The following C5 variants were observed in gnomAD, a reference collection of about 807,000 sequenced individuals.
C5 encodes the protein C3 and PZP-like alpha-2-macroglobulin domain-containing protein 4.
A neutral mutation model predicts 218.8 loss-of-function variants in C5; 140 were observed. The observed-to-expected ratio is 0.64, with a 90% CI of 0.56 to 0.74. The LOEUF (loss-of-function observed/expected upper bound fraction) is 0.74, where lower values mean the gene tolerates loss of function less well. C5 is among the 30% of genes least tolerant of loss of function. The pLI is 0.00. For synonymous variants in C5, 614 were observed against 682.3 expected (o/e 0.90, Z 1.56); for missense variants, 1,700 against 1,969.6 (o/e 0.86, Z 2.59).
intron 14 of C5, among the ~76,000 whole-genome samples, chr9:121,016,959 T>C (rs747528534): frequency 7.2e-5 from 11 of 152,306 alleles, no homozygotes; most frequent in Admixed American, 2.6e-4. Flanking sequence ...CTTATGAGAA[T>C]TGAATGATTT....
chr9:121,050,740 T>G (rs960608536), upstream of C5, among the ~76,000 whole-genome samples: 1 of 152,160 alleles, frequency 6.6e-6, no homozygotes, highest in African/African-American at 2.4e-5. Flanking sequence ...TGAATGGCAG[T>G]GTCCTTGGTG....
the C5 span, among the ~76,000 whole-genome samples, chr9:121,067,490 G>T: frequency 6.6e-6 from 1 of 151,894 alleles, no homozygotes; most frequent in African/African-American, 2.4e-5. Context: ...CTTGAACTCG[G>T]GGGGTGGAGA....
chr9:121,038,600 C>A (rs1361969544), intron 3 of C5, among the ~76,000 whole-genome samples: 1 of 152,148 alleles, frequency 6.6e-6, no homozygotes, highest in Non-Finnish European at 1.5e-5. Flanking sequence ...ACTTTTTAAA[C>A]AAAAGCATCT....
chr9:121,060,947 G>A, the C5 span, among the ~76,000 whole-genome samples: 33 of 152,236 alleles, frequency 2.2e-4, no homozygotes, highest in African/African-American at 7.9e-4. Context: ...CAGCACTTTG[G>A]GATGTCGAGG....
the C5 span, among the ~76,000 whole-genome samples, chr9:121,071,657 C>G: frequency 6.6e-6 from 1 of 152,146 alleles, no homozygotes. Context: ...TGCACTGAAA[C>G]CTGGGTGACA....
At chr9:120,982,252 C>T (rs770022463) in intron 26 of C5, among the ~76,000 whole-genome samples, 4 of 152,182 alleles carry the variant, frequency 2.6e-5, no homozygotes, top group East Asian at 1.9e-4. Context: ...CCTCATGATC[C>T]GCCCGCCTTG....
Position 120,981,900 on chromosome 9 carries a change from G to C in C5, c.3430C>G (p.Leu1144Val), listed in dbSNP as rs1160923036. ...PVEARENSLY[L>V]TAFTVIGIRK... ...ATTCCAATCACAGTAAAGGCTGTAA[G>C]ATATAAGCTGTTCTCTCGGGCTTCA... Residue 1144 changes from leucine to valine, a missense_variant, in exon 27 of 41, where the codon CTT (leucine) becomes GTT (valine). Leu to Val is a conservative substitution (Grantham distance 32). Coordinates refer to ENST00000223642, the MANE Select transcript of C5 (RefSeq NM_001735.3). 1 of 1,614,022 alleles carries C rather than the reference G, an allele frequency of 6.2e-7. No homozygotes were observed. The highest frequency in any genetic ancestry group is 8.5e-7 in the Non-Finnish European group (1 of 1,179,906).
chr9:121,036,198 A>C (rs573591354), intron 4 of C5, among the ~76,000 whole-genome samples: 2 of 152,306 alleles, frequency 1.3e-5, no homozygotes, highest in Admixed American at 1.3e-4. Context: ...TTTGAACAAG[A>C]ATTATACTTG....
At chr9:121,064,478 T>C in the C5 span, among the ~76,000 whole-genome samples, 1 of 152,246 alleles carries the variant, frequency 6.6e-6, no homozygotes, top group African/African-American at 2.4e-5. Context: ...GTATTTCATC[T>C]GTGATAGAAT....
intron 30 of C5, among the ~76,000 whole-genome samples, chr9:120,974,079 C>T (rs563370367): frequency 1.4e-4 from 21 of 152,182 alleles, no homozygotes; most frequent in Non-Finnish European, 2.8e-4. Context: ...TTTAAATATA[C>T]TTTAAAATAA....
intron 30 of C5, 48 bp from the exon 31 acceptor site, chr9:120,972,040 T>C (rs539761201): frequency 1.3e-5 from 20 of 1,492,064 alleles, no homozygotes; most frequent in African/African-American, 2.7e-5. Context: ...CATCATTTGA[T>C]AGGGAGGGAG....
At position 120,995,109 on chromosome 9, in the gene C5, A is replaced by G. The variant is rs146958494; in HGVS notation, c.2851+1131T>C. On this transcript the variant is annotated intron_variant, in intron 22 of 40. Transcript: ENST00000223642. Reference sequence around the variant, plus strand: ...AACAAGTAAGCATGTGGACGCATGTACATAGATGGATTTTACTTTTTATTG... The same window carrying G: ...AACAAGTAAGCATGTGGACGCATGTGCATAGATGGATTTTACTTTTTATTG... Among the ~76,000 whole-genome samples, 52 of 152,314 alleles carry G rather than the reference A, an allele frequency of 3.4e-4. 1 individual carries two copies. In the East Asian group the frequency reaches 0.01, roughly 29 times the overall value.
At chr9:120,974,459 C>T (rs41312847) in intron 30 of C5, among the ~76,000 whole-genome samples, 4,341 of 152,326 alleles carry the variant, frequency 0.028, 201 homozygotes, top group African/African-American at 0.1. Context: ...ATTTAACCCA[C>T]ACATCTGGAC....
upstream of C5, among the ~76,000 whole-genome samples, chr9:121,050,534 C>T (rs1048983500): frequency 2.0e-5 from 3 of 152,148 alleles, no homozygotes; most frequent in African/African-American, 7.2e-5. Flanking sequence ...AAGCTAGAAA[C>T]CAGTAAGCCC....
intron 11 of C5, 52 bp from the exon 12 acceptor site, chr9:121,020,231 G>T: frequency 8.1e-7 from 1 of 1,229,304 alleles, no homozygotes; most frequent in Non-Finnish European, 1.2e-6. Context: ...AATGCTTTCT[G>T]TAAAACATAC....
At chr9:120,979,812 G>C (rs1323654230) in intron 28 of C5, 1 of 399,492 alleles carries the variant, frequency 2.5e-6, no homozygotes, top group Non-Finnish European at 4.7e-6. Context: ...CCAGGAGATC[G>C]AGGCTGCAGT....
At chr9:121,029,258 G>C (rs2047452825) in intron 7 of C5, among the ~76,000 whole-genome samples, 1 of 152,154 alleles carries the variant, frequency 6.6e-6, no homozygotes, top group African/African-American at 2.4e-5. Flanking sequence ...AGCCTTTTAT[G>C]CTGGTTTAGA....
At position 120,952,810 on chromosome 9, in the gene C5, A is replaced by G. The variant is rs748755309; in HGVS notation, c.4960T>C (p.Cys1654Arg). 11 of 1,612,674 alleles carry G rather than the reference A, an allele frequency of 6.8e-6. No homozygotes were observed. The East Asian group carries it at 2.2e-4, about 33-fold the overall frequency. ...WIEYWPRDTT[C>R]SSCQAFLANL... ...GCTAAAAATGCTTGACACGATGAAC[A>G]TGTTGTGTCTCTAGGCCAGTATTCA... Residue 1654 changes from cysteine to arginine, a missense_variant, in exon 41 of 41, where the codon TGT becomes CGT. Transcript: ENST00000223642.
intron 25 of C5, among the ~76,000 whole-genome samples, chr9:120,987,994 T>C (rs540017552): frequency 3.9e-5 from 6 of 152,272 alleles, no homozygotes; most frequent in Non-Finnish European, 8.8e-5. Flanking sequence ...GGTTTCACCA[T>C]GTTGGCCAGG....
Sources: gnomAD v4.1 joint callset for allele counts (sites outside exome capture counted in the v4.1 genomes callset) on GRCh38, gnomAD v4.1.1 for gene constraint, MANE v1.5 for transcripts, NCBI Gene and HGNC (gene_info 2026-07-23, HGNC 2026-07-21) for gene names.